Variants in GDF7 observed in about 807,000 individuals in gnomAD.
GDF7 encodes growth differentiation factor 7.
In GDF7, 12 loss-of-function variants were observed where a neutral mutation model predicts 13.4. The ratio of observed to expected loss-of-function variants is 0.90; its 90% CI spans 0.57 to 1.45. The LOEUF (loss-of-function observed/expected upper bound fraction) is 1.45. GDF7 is among the 40% of genes most tolerant of loss of function. The pLI, the probability that GDF7 is intolerant of heterozygous loss-of-function variation, is 0.00. For synonymous variants in GDF7, 330 were observed against 306.4 expected (o/e 1.08, Z -0.80); for missense variants, 651 against 652.4 (o/e 1.00, Z 0.02).
Position 20,670,449 on chromosome 2 carries a change from G to C in GDF7, c.392-15G>C. ...TACACAGCTCTTTCTCTCTGTCCCTGCCGGTCCCCCGCAGACGAATCGGCA... is the reference window on the plus strand; with the variant it reads ...TACACAGCTCTTTCTCTCTGTCCCTCCCGGTCCCCCGCAGACGAATCGGCA... On this transcript the variant is annotated splice_polypyrimidine_tract_variant and intron_variant, in intron 1 of 1. Coordinates refer to ENST00000272224, the MANE Select transcript of GDF7 (RefSeq NM_182828.4). The C allele has an allele frequency of 6.6e-7, 1 of 1,516,004 alleles. No homozygotes were observed. Among genetic ancestry groups the C allele is most frequent in the Non-Finnish European group, 8.8e-7 (1 of 1,131,168 alleles). 93.9% of individuals were successfully genotyped at this position (1,516,004 alleles called of 1,614,324 possible).
Position 20,670,886 on chromosome 2 carries a change from T to G in GDF7, c.814T>G (p.Ser272Ala). Residue 272 changes from serine to alanine, a missense_variant, in exon 2 of 2, where the codon TCC becomes GCC. Ser to Ala is a moderately conservative substitution (Grantham distance 99, BLOSUM62 1). This residue lies in a region of GDF7 where 487 missense variants were observed against 445.9 expected (regional missense o/e 1.09). Coordinates refer to ENST00000272224, the MANE Select transcript of GDF7 (RefSeq NM_182828.4). The part of the protein sequence containing the change: ...AEERAVLVVS[S>A]RTQRKESLFR... ...GGAGCGCGCGGTGCTAGTCGTCTCC[T>G]CCCGCACGCAGAGGAAAGAGAGCTT... 1 of 1,544,696 alleles carries G rather than the reference T, an allele frequency of 6.5e-7. No individual in the cohort carries two copies. Among genetic ancestry groups the G allele is most frequent in the Non-Finnish European group, 8.7e-7 (1 of 1,154,638 alleles).
In GDF7 at chr2:20,674,822, A is replaced by C. The variant is rs575823869; in HGVS notation, c.*3397A>C. 6.6e-6 allele frequency: 1 copy of C among 152,196 alleles called. No individual in the cohort carries two copies. The highest frequency in any genetic ancestry group is 2.4e-5 in the African/African-American group (1 of 41,434). The allele number at this position is 152,196 out of a possible 1,614,324, so 9.4% of individuals were successfully genotyped here. A position where few individuals can be genotyped will look rare whatever the true frequency, so the allele number is the denominator to read the frequency against. On this transcript the variant is annotated 3_prime_UTR_variant, in exon 2 of 2. Transcript: ENST00000272224. The stretch of plus-strand genomic sequence containing the variant: ...CAGTCACTTCTCCCTGGCAGCTCTC[A>C]TGGTGTCGGCAGGAGTGGGCGCCTC...
chr2:20,669,028 T>C (rs1369894910), intron 1 of GDF7, among the ~76,000 whole-genome samples: 4 of 152,174 alleles, frequency 2.6e-5, no homozygotes, highest in African/African-American at 9.7e-5. Context: ...AGATAAATCC[T>C]TTCTGGGGAG....
chr2:20,673,715 C>G lies in GDF7; in HGVS notation c.*2290C>G, dbSNP rs961967941. 1.1e-4 allele frequency: 16 copies of G among 152,150 alleles called. No homozygotes were observed. Among genetic ancestry groups the G allele is most frequent in the Non-Finnish European group, 2.1e-4 (14 of 68,038 alleles). The allele number at this position is 152,150 out of a possible 1,614,324, so 9.4% of individuals were successfully genotyped here. On this transcript the variant is annotated 3_prime_UTR_variant, in exon 2 of 2. Coordinates refer to ENST00000272224, the MANE Select transcript of GDF7 (RefSeq NM_182828.4). ...AGTAGGGAAAAAAACTGTCAATTTC[C>G]CCTCTTTCCTTCTGATGACCTCCTT...
chr2:20,668,484 CAGAT>C (rs985931974), intron 1 of GDF7, among the ~76,000 whole-genome samples: 7 of 152,176 alleles, frequency 4.6e-5, no homozygotes, highest in South Asian at 2.1e-4. Flanking sequence ...TTAAAGCAGA[CAGAT>C]AGAGAAAATT....
rs1179800193 is a variant in GDF7 at position 20,677,193 on chromosome 2, C to T, written c.*5768C>T. On this transcript the variant is annotated 3_prime_UTR_variant, in exon 2 of 2. Transcript: ENST00000272224. ...CTGCTAGTTTAGAAATGCTTCACTC[C>T]AGAGAGGGCCACCTGATAGAAGCTG... The T allele has an allele frequency of 6.6e-6, 1 of 152,178 alleles. No homozygotes were observed. Among genetic ancestry groups the T allele is most frequent in the Non-Finnish European group, 1.5e-5 (1 of 68,048 alleles). 9.4% of individuals were successfully genotyped at this position (152,178 alleles called of 1,614,324 possible). A position where few individuals can be genotyped will look rare whatever the true frequency, so the allele number is the denominator to read the frequency against.
rs1385349298 is a variant in GDF7, at chr2:20,672,690, T to TC, written c.*1269dup. ...TAGAGCAGGGGGAAGGTCTGCCCCT[T>TC]CCCCTCATCGGCTCCCTGGCTTGGC... On this transcript the variant is annotated 3_prime_UTR_variant, in exon 2 of 2. Coordinates refer to ENST00000272224, the MANE Select transcript of GDF7 (RefSeq NM_182828.4). 6.6e-6 allele frequency: 1 copy of TC among 152,266 alleles called. No homozygotes were observed. Among genetic ancestry groups the TC allele is most frequent in the Non-Finnish European group, 1.5e-5 (1 of 68,052 alleles). The allele number at this position is 152,266 out of a possible 1,614,324, so 9.4% of individuals were successfully genotyped here. A position where few individuals can be genotyped will look rare whatever the true frequency, so the allele number is the denominator to read the frequency against.
chr2:20,671,351 T>C lies in GDF7; in HGVS notation c.1279T>C (p.Tyr427His), dbSNP rs761269064. ...GCGCCTCAGCCCCATCAGCATCCTC[T>C]ACATCGACGCCGCCAACAACGTTGT... ...PARLSPISIL[Y>H]IDAANNVVYK... is the part of the protein sequence containing the mutation. Residue 427 changes from tyrosine (Y) to histidine (H), a missense_variant, in exon 2 of 2, where the codon TAC becomes CAC. Tyr to His is a moderately conservative substitution (Grantham distance 83). Coordinates refer to ENST00000272224, the MANE Select transcript of GDF7 (RefSeq NM_182828.4). The C allele has an allele frequency of 6.2e-7, 1 of 1,612,930 alleles. No individual in the cohort carries two copies. The highest frequency in any genetic ancestry group is 8.5e-7 in the Non-Finnish European group (1 of 1,179,840).
At position 20,667,263 on chromosome 2, in the gene GDF7, G is replaced by T. The variant is rs1695972250; in HGVS notation, c.24G>T (p.Ala8=). Residue 8 remains alanine (A), a synonymous_variant, in exon 1 of 2, where the codon GCG becomes GCT. Coordinates refer to ENST00000272224, the MANE Select transcript of GDF7 (RefSeq NM_182828.4). This position sits in a 1 kb window ranked among gnomAD's most constrained non-coding sequence, Gnocchi z 6.4. ...CCATGGACCTGAGCGCCGCCGCCGC[G>T]CTGTGCCTTTGGCTGCTGAGCGCCT... MDLSAAA[A]LCLWLLSACR... 4.0e-6 allele frequency: 5 copies of T among 1,237,226 alleles called. No individual in the cohort carries two copies. In the South Asian group the frequency reaches 6.4e-5, roughly 16 times the overall value. The allele number at this position is 1,237,226 out of a possible 1,614,324, so 76.6% of individuals were successfully genotyped here.
At chr2:20,668,410 G>A (rs1350727892) in intron 1 of GDF7, among the ~76,000 whole-genome samples, 6 of 152,218 alleles carry the variant, frequency 3.9e-5, no homozygotes, top group African/African-American at 1.4e-4. Flanking sequence ...AAGGTAAGAT[G>A]TAGGTGAGGC....
In GDF7 at chr2:20,670,632, GCGCCGC is replaced by G; in HGVS notation, c.562_567del (p.Ala188_Ala189del). ...TTGCTGCTGCTGTCCACGTGCCCGG[GCGCCGC>G]CCGAGCGCCACGCCTGCTGTACTCG... On this transcript the variant is annotated inframe_deletion, in exon 2 of 2. Transcript: ENST00000272224. The G allele has an allele frequency of 6.4e-7, 1 of 1,565,300 alleles. No individual in the cohort carries two copies. The highest frequency in any genetic ancestry group is 8.6e-7 in the Non-Finnish European group (1 of 1,159,080).
rs1662180006 is a variant in GDF7 at position 20,674,138 on chromosome 2, T to C, written c.*2713T>C. 1 of 152,234 alleles carries C rather than the reference T, an allele frequency of 6.6e-6. No individual in the cohort carries two copies. The highest frequency in any genetic ancestry group is 2.4e-5 in the African/African-American group (1 of 41,458). 9.4% of individuals were successfully genotyped at this position (152,234 alleles called of 1,614,324 possible). On this transcript the variant is annotated 3_prime_UTR_variant, in exon 2 of 2. Transcript: ENST00000272224. ...CACAGTTGGTAGTAGCACCCTGAGC[T>C]CTCTGTCTTCTAGGTAGCGGGGGAC...
rs1662223934 is a variant in GDF7 at position 20,676,514 on chromosome 2, G to C, written c.*5089G>C. On this transcript the variant is annotated 3_prime_UTR_variant, in exon 2 of 2. Transcript: ENST00000272224. ...TGTGAAAGAAGCCTGTTTTTTTCAG[G>C]AGGGCCACCGTCCTAGCCTGAGGAG... is the stretch of plus-strand genomic sequence containing the variant. 1 of 152,240 alleles carries C rather than the reference G, an allele frequency of 6.6e-6. No homozygotes were observed. Among genetic ancestry groups the C allele is most frequent in the Non-Finnish European group, 1.5e-5 (1 of 68,082 alleles). The allele number at this position is 152,240 out of a possible 1,614,324, so 9.4% of individuals were successfully genotyped here.
In GDF7 at chr2:20,671,320, G is replaced by A; in HGVS notation, c.1248G>A (p.Val416=). Residue 416 remains valine (V), a synonymous_variant, in exon 2 of 2, where the codon GTG becomes GTA. Coordinates refer to ENST00000272224, the MANE Select transcript of GDF7 (RefSeq NM_182828.4). ...ACGCGGCGCCGGCCTCCTGCTGTGTGCCAGCGCGCCTCAGCCCCATCAGCA... is the reference window on the plus strand; with the variant it reads ...ACGCGGCGCCGGCCTCCTGCTGTGTACCAGCGCGCCTCAGCCCCATCAGCA... ...APDAAPASCC[V]PARLSPISIL... 1 of 1,613,640 alleles carries A rather than the reference G, an allele frequency of 6.2e-7. No homozygotes were observed. The highest frequency in any genetic ancestry group is 8.5e-7 in the Non-Finnish European group (1 of 1,179,948).
rs1397366710 is a variant in GDF7 at position 20,670,665 on chromosome 2, G to T, written c.593G>T (p.Arg198Leu). The change falls in exon 2 of 2, where the codon CGG becomes CTG. Residue 198 changes from arginine (R) to leucine (L), a missense_variant. By Grantham distance (102) the Arg-to-Leu change is moderately radical. Transcript: ENST00000272224. ...AARAPRLLYS[R>L]AAEPLVGQRW... Reference sequence around the variant, plus strand: ...CGAGCGCCACGCCTGCTGTACTCGCGGGCAGCTGAGCCCCTAGTCGGTCAG... The same window carrying T: ...CGAGCGCCACGCCTGCTGTACTCGCTGGCAGCTGAGCCCCTAGTCGGTCAG... 5 of 1,529,964 alleles carry T rather than the reference G, an allele frequency of 3.3e-6. No individual in the cohort carries two copies. Among genetic ancestry groups the T allele is most frequent in the East Asian group, 2.5e-5 (1 of 40,678 alleles). The allele number at this position is 1,529,964 out of a possible 1,614,324, so 94.8% of individuals were successfully genotyped here.
chr2:20,670,951 C>T lies in GDF7; in HGVS notation c.879C>T (p.Ala293=), dbSNP rs747120028. Residue 293 remains alanine (A), a synonymous_variant, in exon 2 of 2, where the codon GCC becomes GCT. Coordinates refer to ENST00000272224, the MANE Select transcript of GDF7 (RefSeq NM_182828.4). The stretch of plus-strand genomic sequence containing the variant: ...GCGCCCAGGCCCGCGCGCTCGGGGC[C>T]GCTCTGGCCTCAGAGCCGCTGCCCG... ...EIRAQARALG[A]ALASEPLPDP... 1.3e-6 allele frequency: 2 copies of T among 1,567,200 alleles called. No homozygotes were observed. The highest frequency in any genetic ancestry group is 2.4e-5 in the East Asian group (1 of 41,940).
rs148047885 is a variant in GDF7, at chr2:20,669,189, G to A, written c.392-1275G>A. On this transcript the variant is annotated intron_variant, in intron 1 of 1. Coordinates refer to ENST00000272224, the MANE Select transcript of GDF7 (RefSeq NM_182828.4). ...TCGTGCAGCCCCAGTGTGCCTCTCC[G>A]GCCTCCCTCTCCACCCTGAGTCTCA... 1.2e-4 allele frequency among the ~76,000 whole-genome samples: 18 copies of A among 152,170 alleles called. No homozygotes were observed. In the East Asian group the frequency reaches 2.9e-3, roughly 25 times the overall value.
rs1662162349 is a variant in GDF7 at position 20,673,246 on chromosome 2, C to T, written c.*1821C>T. 1 of 152,076 alleles carries T rather than the reference C, an allele frequency of 6.6e-6. No individual in the cohort carries two copies. Among genetic ancestry groups the T allele is most frequent in the Admixed American group, 6.6e-5 (1 of 15,266 alleles). The allele number at this position is 152,076 out of a possible 1,614,324, so 9.4% of individuals were successfully genotyped here. On this transcript the variant is annotated 3_prime_UTR_variant, in exon 2 of 2. Transcript: ENST00000272224. ...AAATTACTCTTAAAATTAAGATTCCCCCCTTCCTCCTATTATGTGAATTTA... is the reference window on the plus strand; with the variant it reads ...AAATTACTCTTAAAATTAAGATTCCTCCCTTCCTCCTATTATGTGAATTTA...
In GDF7 at chr2:20,672,499, G is replaced by A. The variant is rs887764343; in HGVS notation, c.*1074G>A. The A allele has an allele frequency of 6.6e-6, 1 of 152,284 alleles. No individual in the cohort carries two copies. The highest frequency in any genetic ancestry group is 1.5e-5 in the Non-Finnish European group (1 of 68,062). 9.4% of individuals were successfully genotyped at this position (152,284 alleles called of 1,614,324 possible). On this transcript the variant is annotated 3_prime_UTR_variant, in exon 2 of 2. Transcript: ENST00000272224. ...CGGCTTGCCGGCCAGGTAGGCGGAA[G>A]CTCCCGGGGCCGACTCGGGCTTGTG...
Sources: allele counts gnomAD v4.1 joint callset (sites outside exome capture counted in the v4.1 genomes callset), GRCh38; gene constraint gnomAD v4.1.1; regional missense constraint gnomAD v4.1.1; non-coding constraint Gnocchi (gnomAD v3.1); transcripts MANE v1.5; gene names NCBI Gene and HGNC (gene_info 2026-07-23, HGNC 2026-07-21).